The following ADCY1 variants were observed in gnomAD, a reference collection of about 807,000 sequenced individuals.
ADCY1 encodes the protein adenylate cyclase type 1.
A neutral mutation model predicts 105.4 loss-of-function variants in ADCY1; 28 were observed. The ratio of observed to expected loss-of-function variants is 0.27; its 90% CI spans 0.20 to 0.36. ADCY1 has a LOEUF of 0.36. Ranked by LOEUF, ADCY1 falls within the 10% of genes least tolerant of loss-of-function variation. The pLI, the probability that ADCY1 is intolerant of heterozygous loss-of-function variation, is 1.00. For missense variants in ADCY1, 977 were observed against 1,434.2 expected, an observed-to-expected ratio of 0.68 and a Z score of 5.15; for synonymous variants, 655 against 623.8, an observed-to-expected ratio of 1.05 and a Z score of -0.75.
chr7:45,721,404 C>T lies in ADCY1; in HGVS notation c.*7409C>T, dbSNP rs1454620008. 2.9e-6 allele frequency: 1 copy of T among 346,238 alleles called. No individual in the cohort carries two copies. Among genetic ancestry groups the T allele is most frequent in the Non-Finnish European group, 5.2e-6 (1 of 193,710 alleles). 21.4% of individuals were successfully genotyped at this position (346,238 alleles called of 1,614,324 possible). On this transcript the variant is annotated 3_prime_UTR_variant, in exon 20 of 20. Coordinates refer to ENST00000297323, the MANE Select transcript of ADCY1 (RefSeq NM_021116.4). ...ATTCTAAAACTATATTTGAGCGAAA[C>T]CTGTCATTGCGTCTAATTTCAAATA...
At chr7:45,666,404 C>T (rs111550786) in intron 8 of ADCY1, among the ~76,000 whole-genome samples, 21,180 of 152,074 alleles carry the variant, frequency 0.14, 1,575 homozygotes, top group Middle Eastern at 0.18. Context: ...TTTGTCCTTG[C>T]GATAGTTTGC....
rs200212263 is a variant in ADCY1, at chr7:45,583,791, C to T, written c.639+8609C>T. ...GAGTAGCTGGGATTACAGGCATGCA[C>T]CACCACGCCTGGCTAATTTTGTATT... On this transcript the variant is annotated intron_variant, in intron 1 of 19. Transcript: ENST00000297323. Among the ~76,000 whole-genome samples the T allele has an allele frequency of 2.6e-5, 4 of 152,120 alleles. No individual in the cohort carries two copies. The East Asian group carries it at 7.7e-4, about 29-fold the overall frequency.
chr7:45,581,306 A>G (rs1243745589), intron 1 of ADCY1, among the ~76,000 whole-genome samples: 1 of 152,180 alleles, frequency 6.6e-6, no homozygotes, highest in Non-Finnish European at 1.5e-5. Flanking sequence ...ACTTACATAC[A>G]TAGCTGTATG....
At chr7:45,601,052 C>T (rs528137482) in intron 2 of ADCY1, among the ~76,000 whole-genome samples, 36 of 152,188 alleles carry the variant, frequency 2.4e-4, no homozygotes, top group Middle Eastern at 3.4e-3. Flanking sequence ...AAATAAAAGT[C>T]GAGTGTATGA....
intron 3 of ADCY1, among the ~76,000 whole-genome samples, chr7:45,617,840 A>G (rs1039549117): frequency 6.6e-6 from 1 of 152,242 alleles, no homozygotes; most frequent in African/African-American, 2.4e-5. Context: ...AATCTCTATC[A>G]AAGTATCAGT....
In ADCY1 at chr7:45,574,741, C is replaced by G. The variant is rs968647729; in HGVS notation, c.198C>G (p.Ala66=). 2.8e-6 allele frequency: 4 copies of G among 1,425,564 alleles called. No homozygotes were observed. The highest frequency in any genetic ancestry group is 3.4e-5 in the Admixed American group (1 of 29,832). 88.3% of individuals were successfully genotyped at this position (1,425,564 alleles called of 1,614,324 possible). A position where few individuals can be genotyped will look rare whatever the true frequency, so the allele number is the denominator to read the frequency against. Residue 66 remains alanine, a synonymous_variant, in exon 1 of 20, where the codon GCC becomes GCG. Coordinates refer to ENST00000297323, the MANE Select transcript of ADCY1 (RefSeq NM_021116.4). The surrounding 1 kb of genome is among the most constrained non-coding windows in gnomAD (Gnocchi z 7.0). ...LEQAATLKAL[A]VLSLLAGALA... ...AGGCGGCCACGCTGAAGGCGCTGGC[C>G]GTTCTCAGCCTGCTGGCGGGCGCGC...
chr7:45,651,513 A>G (rs1562707432), intron 5 of ADCY1, among the ~76,000 whole-genome samples: 2 of 152,256 alleles, frequency 1.3e-5, no homozygotes, highest in East Asian at 1.9e-4. Flanking sequence ...TGGAAATACA[A>G]AGTTTCAGGT....
chr7:45,651,075 T>C (rs2116071241), intron 5 of ADCY1, among the ~76,000 whole-genome samples: 1 of 152,246 alleles, frequency 6.6e-6, no homozygotes, highest in Middle Eastern at 3.4e-3. Flanking sequence ...GCCAGGGGCA[T>C]CTTCCTGGGC....
At chr7:45,587,799 A>G (rs982848833) in intron 1 of ADCY1, among the ~76,000 whole-genome samples, 2 of 152,114 alleles carry the variant, frequency 1.3e-5, no homozygotes, top group African/African-American at 2.4e-5. Context: ...GCCTCAGAGG[A>G]CATGCCCTCA....
rs1785379155 is a variant in ADCY1, at chr7:45,717,397, T to G, written c.*3402T>G. 1 of 152,588 alleles carries G rather than the reference T, an allele frequency of 6.6e-6. No individual in the cohort carries two copies. The highest frequency in any genetic ancestry group is 2.1e-4 in the South Asian group (1 of 4,822). The allele number at this position is 152,588 out of a possible 1,614,324, so 9.5% of individuals were successfully genotyped here. On this transcript the variant is annotated 3_prime_UTR_variant, in exon 20 of 20. Transcript: ENST00000297323. Reference sequence around the variant, plus strand: ...CCTTGGGGTTTGGTGAAAAACAACTTCCTTTTTATTTGTGGGAAAACTGTA... The same window carrying G: ...CCTTGGGGTTTGGTGAAAAACAACTGCCTTTTTATTTGTGGGAAAACTGTA...
chr7:45,582,079 AATAC>A (rs1427228605), intron 1 of ADCY1, among the ~76,000 whole-genome samples: 20 of 151,930 alleles, frequency 1.3e-4, no homozygotes, highest in African/African-American at 2.7e-4. Context: ...TACACTCACA[AATAC>A]ATGCATGCTC....
Position 45,694,604 on chromosome 7 carries a change from T to G in ADCY1, c.2454+7931T>G, listed in dbSNP as rs187138714. On this transcript the variant is annotated intron_variant, in intron 14 of 19. Coordinates refer to ENST00000297323, the MANE Select transcript of ADCY1 (RefSeq NM_021116.4). ...AAGAAATTAAATAATAGAGACCAGTTTCTATAAATGTTTAAGGAATAAAAT... is the reference window on the plus strand; with the variant it reads ...AAGAAATTAAATAATAGAGACCAGTGTCTATAAATGTTTAAGGAATAAAAT... Among the ~76,000 whole-genome samples the G allele has an allele frequency of 1.7e-3, 252 of 152,218 alleles. 1 individual carries two copies. The highest frequency in any genetic ancestry group is 5.5e-3 in the African/African-American group (228 of 41,536).
chr7:45,645,133 G>C (rs1394210238), intron 4 of ADCY1, among the ~76,000 whole-genome samples: 1 of 152,090 alleles, frequency 6.6e-6, no homozygotes, highest in Non-Finnish European at 1.5e-5. Context: ...TCATCTGCTT[G>C]TAAGGCCTTG....
chr7:45,702,818 C>T (rs528969784), intron 14 of ADCY1, among the ~76,000 whole-genome samples: 47 of 152,346 alleles, frequency 3.1e-4, no homozygotes, highest in Middle Eastern at 3.4e-3. Context: ...GGCTGGAAGT[C>T]GGCACTCAGA....
chr7:45,677,912 C>A lies in ADCY1; in HGVS notation c.1649C>A (p.Ser550Ter). 6.2e-7 allele frequency: 1 copy of A among 1,614,132 alleles called. No homozygotes were observed. Among genetic ancestry groups the A allele is most frequent in the South Asian group, 1.1e-5 (1 of 91,074 alleles). Residue 550 changes from serine to a stop codon, truncating the protein, a stop_gained, in exon 9 of 20, where the codon TCA (serine) becomes TAA (stop). Coordinates refer to ENST00000297323, the MANE Select transcript of ADCY1 (RefSeq NM_021116.4). LOFTEE classifies it high-confidence loss of function. ...RTASEKLRNR[S>*]SFSTNVVYTT... ...GCCTCGGAAAAACTCAGAAACCGCT[C>A]ATCTTTTTCTACCAACGTTGTCTAC...
intron 11 of ADCY1, among the ~76,000 whole-genome samples, chr7:45,683,688 C>T (rs984731640): frequency 6.6e-6 from 1 of 152,210 alleles, no homozygotes; most frequent in Non-Finnish European, 1.5e-5. Context: ...CTGCTGTTCA[C>T]ACCCAGCTTT....
In ADCY1 at chr7:45,721,746, A is replaced by G; in HGVS notation, c.*7751A>G. 2.5e-6 allele frequency: 1 copy of G among 398,680 alleles called. No homozygotes were observed. Among genetic ancestry groups the G allele is most frequent in the African/African-American group, 2.1e-5 (1 of 48,744 alleles). 24.7% of individuals were successfully genotyped at this position (398,680 alleles called of 1,614,324 possible). A position where few individuals can be genotyped will look rare whatever the true frequency, so the allele number is the denominator to read the frequency against. On this transcript the variant is annotated 3_prime_UTR_variant, in exon 20 of 20. Coordinates refer to ENST00000297323, the MANE Select transcript of ADCY1 (RefSeq NM_021116.4). ...ATTTCAGCAGGAGTTCAGAGGGCTT[A>G]TGATGGATGGTGAGAGATTTGACAA...
At position 45,710,647 on chromosome 7, in the gene ADCY1, A is replaced by G; in HGVS notation, c.3052A>G (p.Ile1018Val). Residue 1018 changes from isoleucine (I) to valine (V), a missense_variant, in exon 19 of 20, where the codon ATC becomes GTC. Coordinates refer to ENST00000297323, the MANE Select transcript of ADCY1 (RefSeq NM_021116.4). This position sits in a 1 kb window ranked among gnomAD's most constrained non-coding sequence, Gnocchi z 4.7. ...RMDSTGVQGR[I>V]QVTEEVHRLL... ...GGATAGCACAGGGGTCCAGGGCAGA[A>G]TCCAGGTCAGTTCACCAAGAAACCC... 2 of 1,612,348 alleles carry G rather than the reference A, an allele frequency of 1.2e-6. No individual in the cohort carries two copies. Among genetic ancestry groups the G allele is most frequent in the Non-Finnish European group, 8.5e-7 (1 of 1,179,364 alleles).
At position 45,676,854 on chromosome 7, in the gene ADCY1, T is replaced by G. The variant is rs34971084; in HGVS notation, c.1606-1015T>G. On this transcript the variant is annotated intron_variant, in intron 8 of 19. Coordinates refer to ENST00000297323, the MANE Select transcript of ADCY1 (RefSeq NM_021116.4). Reference sequence around the variant, plus strand: ...GGCCACAGATTTTTTTTTTTTTTTTTTATGGTCTTTGGCTACAATAGGGTG... The same window carrying G: ...GGCCACAGATTTTTTTTTTTTTTTTGTATGGTCTTTGGCTACAATAGGGTG... Among the ~76,000 whole-genome samples, 917 of 150,478 alleles carry G rather than the reference T, an allele frequency of 6.1e-3. 6 individuals are homozygous for G. The highest frequency in any genetic ancestry group is 0.01 in the Non-Finnish European group (683 of 67,574).
Sources: gnomAD v4.1 joint callset for allele counts (sites outside exome capture counted in the v4.1 genomes callset) on GRCh38, gnomAD v4.1.1 for gene constraint, Gnocchi (gnomAD v3.1) non-coding constraint, MANE v1.5 for transcripts, NCBI Gene and HGNC (gene_info 2026-07-23, HGNC 2026-07-21) for gene names.